Variants in WDCP observed in about 807,000 individuals in gnomAD.
WDCP encodes WD repeat and coiled coil containing.
WDCP carries 19 observed loss-of-function variants against 41.6 expected under a neutral mutation model. The observed-to-expected ratio is 0.46, with a 90% CI of 0.32 to 0.67. The LOEUF is 0.67. Ranked by LOEUF, WDCP falls within the 30% of genes least tolerant of loss-of-function variation. WDCP has a pLI of 0.04. For synonymous variants in WDCP, 302 were observed against 320.8 expected, an observed-to-expected ratio of 0.94 and a Z score of 0.63; for missense variants, 802 against 850.7, an observed-to-expected ratio of 0.94 and a Z score of 0.71.
intron 1 of WDCP, among the ~76,000 whole-genome samples, chr2:24,040,985 C>T (rs980502022): frequency 6.6e-6 from 1 of 151,904 alleles, no homozygotes; most frequent in Non-Finnish European, 1.5e-5. Context: ...CATTGCACTC[C>T]AGCCTGGGTA....
intron 2 of WDCP, among the ~76,000 whole-genome samples, chr2:24,033,668 G>A (rs904987823): frequency 6.6e-6 from 1 of 152,196 alleles, no homozygotes; most frequent in African/African-American, 2.4e-5. Context: ...TTGAACCCAG[G>A]AGGCAAAGGT....
Position 24,038,441 on chromosome 2 carries a change from G to A in WDCP, c.1054C>T (p.His352Tyr), listed in dbSNP as rs1282903214. The A allele has an allele frequency of 1.9e-5, 30 of 1,613,990 alleles. No individual in the cohort carries two copies. Among genetic ancestry groups the A allele is most frequent in the Non-Finnish European group, 2.5e-5 (29 of 1,180,016 alleles). ...PDLIAFNLKA[H>Y]VVAVASNTCN... ...GTGTTGGAAGCCACTGCCACTACGTGGGCTTTAAGATTAAATGCTATCAGA... is the reference window on the plus strand; with the variant it reads ...GTGTTGGAAGCCACTGCCACTACGTAGGCTTTAAGATTAAATGCTATCAGA... The change falls in exon 2 of 4, where the codon CAC becomes TAC. Residue 352 changes from histidine (H) to tyrosine (Y), a missense_variant. By Grantham distance (83) the His-to-Tyr change is moderately conservative. Around this residue, in one of 5 missense-constraint regions of WDCP, gnomAD observed 247 missense variants for 240.5 expected, o/e 1.03. Coordinates refer to ENST00000295148, the MANE Select transcript of WDCP (RefSeq NM_025203.3).
rs1423361945 is a variant in WDCP at position 24,030,580 on chromosome 2, T to C, written c.*353A>G. The C allele has an allele frequency of 9.7e-6, 2 of 205,186 alleles. No homozygotes were observed. Among genetic ancestry groups the C allele is most frequent in the African/African-American group, 4.6e-5 (2 of 43,248 alleles). The allele number at this position is 205,186 out of a possible 1,614,324, so 12.7% of individuals were successfully genotyped here. A position where few individuals can be genotyped will look rare whatever the true frequency, so the allele number is the denominator to read the frequency against. ...TGCCAAGGTATCTTTTAAGTGCTCC[T>C]AAGACAGCTTCAATGCAGCTTTGGA... On this transcript the variant is annotated 3_prime_UTR_variant, in exon 4 of 4. Coordinates refer to ENST00000295148, the MANE Select transcript of WDCP (RefSeq NM_025203.3).
In WDCP at chr2:24,047,129, C is replaced by T. The variant is rs75745192; in HGVS notation, c.-19+185G>A. Among the ~76,000 whole-genome samples, 3,044 of 152,104 alleles carry T rather than the reference C, an allele frequency of 0.02. 32 individuals are homozygous for T. Among genetic ancestry groups the T allele is most frequent in the South Asian group, 0.046 (219 of 4,812 alleles). On this transcript the variant is annotated intron_variant, in intron 1 of 3. Coordinates refer to ENST00000295148, the MANE Select transcript of WDCP (RefSeq NM_025203.3). ...ACGGTCATAATCCCTCATTTACACC[C>T]ACCCCTAGCTCGATCCTCATCCCGC... is the stretch of plus-strand genomic sequence containing the variant.
In WDCP at chr2:24,044,867, C is replaced by T. The variant is rs143406257; in HGVS notation, c.-19+2447G>A. Among the ~76,000 whole-genome samples, 403 of 147,460 alleles carry T rather than the reference C, an allele frequency of 2.7e-3. 7 individuals carry two copies. Among genetic ancestry groups the T allele is most frequent in the Non-Finnish European group, 2.0e-3 (135 of 67,124 alleles). On this transcript the variant is annotated intron_variant, in intron 1 of 3. Transcript: ENST00000295148. ...GCACAGCGGTGATCATTTTGCTCTT[C>T]TGCATAAACACCCTTGATGAATCCC...
intron 2 of WDCP, among the ~76,000 whole-genome samples, chr2:24,034,816 C>T (rs1322041617): frequency 6.6e-6 from 1 of 152,104 alleles, no homozygotes; most frequent in East Asian, 1.9e-4. Flanking sequence ...CTCAAGTGAT[C>T]TACCCATCTC....
At position 24,038,133 on chromosome 2, in the gene WDCP, C is replaced by T. The variant is rs200495379; in HGVS notation, c.1362G>A (p.Pro454=). ...SQTTYSTFSA[P]LNKANRKKLI... The stretch of plus-strand genomic sequence containing the variant: ...ACTTTTTTCTATTTGCTTTATTTAA[C>T]GGAGCACTGAAAGTAGAGTAGGTAG... The change falls in exon 2 of 4, where the codon CCG becomes CCA. Residue 454 remains proline, a synonymous_variant. Transcript: ENST00000295148. The T allele has an allele frequency of 1.4e-5, 23 of 1,614,134 alleles. No individual in the cohort carries two copies. Among genetic ancestry groups the T allele is most frequent in the South Asian group, 2.2e-5 (2 of 91,086 alleles).
At chr2:24,042,564 C>G in intron 1 of WDCP, among the ~76,000 whole-genome samples, 1 of 142,464 alleles carries the variant, frequency 7.0e-6, no homozygotes, top group East Asian at 2.0e-4. Flanking sequence ...AAAAAATTAG[C>G]TGGCTGTGGT....
intron 1 of WDCP, among the ~76,000 whole-genome samples, chr2:24,045,218 G>A (rs1663574186): frequency 6.6e-6 from 1 of 152,204 alleles, no homozygotes; most frequent in African/African-American, 2.4e-5. Flanking sequence ...GATATAAGTA[G>A]TGAGGAGGAA....
At chr2:24,032,411 A>G (rs1663122487) in intron 3 of WDCP, among the ~76,000 whole-genome samples, 1 of 152,210 alleles carries the variant, frequency 6.6e-6, no homozygotes, top group South Asian at 2.1e-4. Flanking sequence ...CTGAGACAGG[A>G]GAATTGCTTG....
chr2:24,033,041 T>C (rs1378810711), intron 2 of WDCP, 95 bp from the exon 3 acceptor site: 7 of 804,990 alleles, frequency 8.7e-6, no homozygotes, highest in Non-Finnish European at 1.5e-5. Context: ...TTTTAAAAAA[T>C]TCTTATCTAT....
chr2:24,039,281 C>T lies in WDCP; in HGVS notation c.214G>A (p.Asp72Asn). The stretch of plus-strand genomic sequence containing the variant: ...TGGACAGCGAGTAGAACAGGTGTAT[C>T]ATCTGCAACAGGTGGGGCCCAGGAC... Reference protein sequence around the residue: ...GLSWAPPVADDTPVLLAVQHE... With the variant: ...GLSWAPPVADNTPVLLAVQHE... Residue 72 changes from aspartate (D) to asparagine (N), a missense_variant, in exon 2 of 4, where the codon GAT (aspartate) becomes AAT (asparagine). Around this residue, in one of 5 missense-constraint regions of WDCP, gnomAD observed 214 missense variants for 252.9 expected, o/e 0.85. Coordinates refer to ENST00000295148, the MANE Select transcript of WDCP (RefSeq NM_025203.3). 6.2e-7 allele frequency: 1 copy of T among 1,614,214 alleles called. No homozygotes were observed. Among genetic ancestry groups the T allele is most frequent in the Non-Finnish European group, 8.5e-7 (1 of 1,180,024 alleles).
At chr2:24,041,858 C>CAAAAAAAAAAAAAAAAAAAAAAAAA (rs56341766) in intron 1 of WDCP, among the ~76,000 whole-genome samples, 1 of 93,228 alleles carries the variant, frequency 1.1e-5, no homozygotes, top group Non-Finnish European at 2.1e-5. Context: ...AACTCTGTCT[C>CAAAAAAAAAAAAAAAAAAAAAAAAA]AAAAAAAAAA....
At chr2:24,041,642 C>T (rs1452383841) in intron 1 of WDCP, among the ~76,000 whole-genome samples, 1 of 151,926 alleles carries the variant, frequency 6.6e-6, no homozygotes, top group African/African-American at 2.4e-5. Flanking sequence ...TACCTGAGGT[C>T]AGGAGTTCGA....
chr2:24,037,322 A>G (rs1361286601), intron 2 of WDCP, among the ~76,000 whole-genome samples: 1 of 152,264 alleles, frequency 6.6e-6, no homozygotes, highest in Non-Finnish European at 1.5e-5. Context: ...GGAGCCCAGC[A>G]ACATAACCTT....
At chr2:24,033,853 G>A (rs1663166565) in intron 2 of WDCP, among the ~76,000 whole-genome samples, 2 of 152,188 alleles carry the variant, frequency 1.3e-5, no homozygotes, top group Admixed American at 1.3e-4. Context: ...AGGTATTGGA[G>A]AGCAGCCTGG....
rs3203 is a variant in WDCP at position 24,029,547 on chromosome 2, T to C, written c.*1386A>G. 84,434 of 152,038 alleles carry C rather than the reference T, an allele frequency of 0.56. 23,797 individuals are homozygous for C. Among genetic ancestry groups the C allele is most frequent in the East Asian group, 0.82 (4,236 of 5,166 alleles). The allele number at this position is 152,038 out of a possible 1,614,324, so 9.4% of individuals were successfully genotyped here. ...CAGGCCTCAGACTGTTCTCAGTCAC[T>C]GCTCTCCCACAGCTGATTACAGACA... On this transcript the variant is annotated 3_prime_UTR_variant, in exon 4 of 4. Coordinates refer to ENST00000295148, the MANE Select transcript of WDCP (RefSeq NM_025203.3).
intron 1 of WDCP, among the ~76,000 whole-genome samples, chr2:24,040,819 C>T (rs1329639423): frequency 1.3e-5 from 2 of 151,940 alleles, no homozygotes; most frequent in African/African-American, 4.8e-5. Context: ...GAGTTCGATC[C>T]CAGCCTGACC....
chr2:24,035,244 T>C (rs1198849975), intron 2 of WDCP, among the ~76,000 whole-genome samples: 6 of 151,806 alleles, frequency 4.0e-5, no homozygotes, highest in African/African-American at 1.4e-4. Flanking sequence ...AAAAGAGCTC[T>C]GTGTGCTGAT....
Sources: gnomAD v4.1 joint callset for allele counts (sites outside exome capture counted in the v4.1 genomes callset) on GRCh38, gnomAD v4.1.1 for gene constraint, gnomAD v4.1.1 regional missense constraint, MANE v1.5 for transcripts, NCBI Gene and HGNC (gene_info 2026-07-23, HGNC 2026-07-21) for gene names.